The following DDX20 variants were observed in gnomAD, a reference collection of about 807,000 sequenced individuals.
DDX20 encodes the protein DEAD-box helicase 20.
In DDX20, 61 loss-of-function variants were observed where a neutral mutation model predicts 76.4. The ratio of observed to expected loss-of-function variants is 0.80; its 90% CI spans 0.65 to 0.99. The LOEUF (loss-of-function observed/expected upper bound fraction) is 0.99. DDX20 is among the 50% of genes least tolerant of loss of function. The pLI, the probability that DDX20 is intolerant of heterozygous loss-of-function variation, is 0.00. For missense variants in DDX20, 976 were observed against 996.8 expected (o/e 0.98, Z 0.28); for synonymous variants, 357 against 357.4 (o/e 1.00, Z 0.01).
intron 3 of DDX20, among the ~76,000 whole-genome samples, chr1:111,759,779 C>T (rs1219144578): frequency 6.6e-6 from 1 of 151,458 alleles, no homozygotes; most frequent in African/African-American, 2.4e-5. Context: ...TCGAGACCAT[C>T]CTGGCTAACA....
Position 111,767,024 on chromosome 1 carries a change from C to CCTG in DDX20, c.*125_*126insCTG. 1 of 684,892 alleles carries CCTG rather than the reference C, an allele frequency of 1.5e-6. No homozygotes were observed. Among genetic ancestry groups the CCTG allele is most frequent in the Non-Finnish European group, 2.4e-6 (1 of 425,132 alleles). 42.4% of individuals were successfully genotyped at this position (684,892 alleles called of 1,614,324 possible). A position where few individuals can be genotyped will look rare whatever the true frequency, so the allele number is the denominator to read the frequency against. ...CTGATAAACTTGAAAAGACTTGAGTCTTTCCACTGGGACACATCCATTTTT... is the reference window on the plus strand; with the variant it reads ...CTGATAAACTTGAAAAGACTTGAGTCCTGTTTCCACTGGGACACATCCATTTTT... On this transcript the variant is annotated 3_prime_UTR_variant, in exon 11 of 11. Transcript: ENST00000369702.
intron 10 of DDX20, 96 bp from the exon 11 acceptor site, chr1:111,765,641 T>C: frequency 9.7e-7 from 1 of 1,034,820 alleles, no homozygotes; most frequent in Non-Finnish European, 1.4e-6. Flanking sequence ...GTTTCTTAAA[T>C]GTATTTGATC....
In DDX20 at chr1:111,761,053, C is replaced by T. The variant is rs1663665220; in HGVS notation, c.890C>T (p.Thr297Ile). ...PLAHKVFEEK[T>I]QHLQELFSRI... ...GCACATAAGGTTTTTGAGGAAAAGA[C>T]TCAGCATTTACAGGAACTGTTCAGC... Residue 297 changes from threonine (T) to isoleucine (I), a missense_variant, in exon 6 of 11, where the codon ACT becomes ATT. By Grantham distance (89) the Thr-to-Ile change is moderately conservative (BLOSUM62 -1). This residue lies in a region of DDX20 where 630 missense variants were observed against 693.7 expected (regional missense o/e 0.91). Coordinates refer to ENST00000369702, the MANE Select transcript of DDX20 (RefSeq NM_007204.5). The T allele has an allele frequency of 6.2e-7, 1 of 1,613,822 alleles. No individual in the cohort carries two copies. The highest frequency in any genetic ancestry group is 8.5e-7 in the Non-Finnish European group (1 of 1,179,894).
At chr1:111,758,715 A>G (rs1242221090) in intron 2 of DDX20, among the ~76,000 whole-genome samples, 1 of 152,054 alleles carries the variant, frequency 6.6e-6, no homozygotes, top group Non-Finnish European at 1.5e-5. Flanking sequence ...TGATCACCTC[A>G]TTTAAAATGA....
intron 3 of DDX20, among the ~76,000 whole-genome samples, 177 bp downstream of exon 3, chr1:111,759,745 C>T (rs1393834254): frequency 1.3e-5 from 2 of 151,760 alleles, no homozygotes; most frequent in Admixed American, 6.6e-5. Context: ...GAGGCCGAGG[C>T]GGGCGGATCA....
chr1:111,755,910 G>C lies in DDX20; in HGVS notation c.-15G>C. The C allele has an allele frequency of 1.3e-6, 2 of 1,566,104 alleles. No homozygotes were observed. The highest frequency in any genetic ancestry group is 1.7e-6 in the Non-Finnish European group (2 of 1,152,194). ...CCTCCCCTTAAGCACCGCGAGATCT[G>C]ACGGCGCGGCTACCATGGCGGCGGC... is the stretch of plus-strand genomic sequence containing the variant. On this transcript the variant is annotated 5_prime_UTR_variant, in exon 1 of 11. Coordinates refer to ENST00000369702, the MANE Select transcript of DDX20 (RefSeq NM_007204.5).
At chr1:111,765,134 A>T (rs1293252803) in intron 10 of DDX20, among the ~76,000 whole-genome samples, 1 of 152,224 alleles carries the variant, frequency 6.6e-6, no homozygotes, top group Non-Finnish European at 1.5e-5. Context: ...GGAATAGAAA[A>T]TTTAGAGGGT....
intron 6 of DDX20, 28 bp downstream of exon 6, chr1:111,761,153 G>A: frequency 6.2e-7 from 1 of 1,611,776 alleles, no homozygotes; most frequent in Non-Finnish European, 8.5e-7. Flanking sequence ...GTCATCTGGG[G>A]AACTTGTGAA....
At chr1:111,756,861 G>C (rs972605065) in intron 2 of DDX20, 121 bp downstream of exon 2, 50 of 818,214 alleles carry the variant, frequency 6.1e-5, no homozygotes, top group Non-Finnish European at 9.5e-5. Flanking sequence ...GTTAAGTGGT[G>C]GTGGTGGCGA....
chr1:111,767,075 A>G lies in DDX20; in HGVS notation c.*176A>G. On this transcript the variant is annotated 3_prime_UTR_variant, in exon 11 of 11. Coordinates refer to ENST00000369702, the MANE Select transcript of DDX20 (RefSeq NM_007204.5). ...CAGATTGTTTTGATTTAGGCCAGGTATATTATCTTCATTTTTAAGAGTTTC... is the reference window on the plus strand; with the variant it reads ...CAGATTGTTTTGATTTAGGCCAGGTGTATTATCTTCATTTTTAAGAGTTTC... 1 of 455,946 alleles carries G rather than the reference A, an allele frequency of 2.2e-6. No individual in the cohort carries two copies. The highest frequency in any genetic ancestry group is 3.8e-6 in the Non-Finnish European group (1 of 259,888). The allele number at this position is 455,946 out of a possible 1,614,324, so 28.2% of individuals were successfully genotyped here.
intron 2 of DDX20, among the ~76,000 whole-genome samples, chr1:111,758,253 G>A (rs1407228977): frequency 6.6e-6 from 1 of 151,572 alleles, no homozygotes; most frequent in Non-Finnish European, 1.5e-5. Context: ...TAGAAATAGG[G>A]AAAATTCAGA....
intron 10 of DDX20, 80 bp from the exon 11 acceptor site, chr1:111,765,657 A>C: frequency 8.4e-7 from 1 of 1,197,570 alleles, no homozygotes; most frequent in South Asian, 1.6e-5. Context: ...TGATCATAGA[A>C]AACTTTATGA....
chr1:111,766,955 T>G lies in DDX20; in HGVS notation c.*56T>G. The G allele has an allele frequency of 7.3e-7, 1 of 1,377,836 alleles. No homozygotes were observed. The highest frequency in any genetic ancestry group is 2.0e-4 in the Middle Eastern group (1 of 5,038). 85.4% of individuals were successfully genotyped at this position (1,377,836 alleles called of 1,614,324 possible). On this transcript the variant is annotated 3_prime_UTR_variant, in exon 11 of 11. Transcript: ENST00000369702. Reference sequence around the variant, plus strand: ...TGTCAACAAATGATACCTTTGGATATCCATCCTCCTCGACTTATAGTACAG... The same window carrying G: ...TGTCAACAAATGATACCTTTGGATAGCCATCCTCCTCGACTTATAGTACAG...
rs371800138 is a variant in DDX20 at position 111,766,029 on chromosome 1, A to G, written c.1605A>G (p.Glu535=). Residue 535 remains glutamate (E), a synonymous_variant, in exon 11 of 11, where the codon GAA becomes GAG. Coordinates refer to ENST00000369702, the MANE Select transcript of DDX20 (RefSeq NM_007204.5). The part of the protein sequence containing the change: ...GIIEKATSPK[E]LGCDRQSEEQ... ...TAGAAAAAGCAACGTCACCAAAAGA[A>G]CTGGGCTGTGACAGGCAATCCGAAG... is the stretch of plus-strand genomic sequence containing the variant. 6.2e-7 allele frequency: 1 copy of G among 1,614,190 alleles called. No homozygotes were observed. The highest frequency in any genetic ancestry group is 1.1e-5 in the South Asian group (1 of 91,084).
At position 111,756,061 on chromosome 1, in the gene DDX20, T is replaced by G; in HGVS notation, c.137T>G (p.Leu46Arg). The G allele has an allele frequency of 6.2e-7, 1 of 1,608,662 alleles. No individual in the cohort carries two copies. The highest frequency in any genetic ancestry group is 8.5e-7 in the Non-Finnish European group (1 of 1,179,308). The change falls in exon 1 of 11, where the codon CTC (leucine) becomes CGC (arginine). Residue 46 changes from leucine to arginine, a missense_variant. Leu to Arg is a moderately radical substitution (Grantham distance 102). Around this residue, in one of 3 missense-constraint regions of DDX20, gnomAD observed 343 missense variants for 286.4 expected, o/e 1.20. Coordinates refer to ENST00000369702, the MANE Select transcript of DDX20 (RefSeq NM_007204.5). ...AGGATCCTGCGGACCGCTCAGGATC[T>G]CAGCAGCCCGCGGACCCGCACGGGG... ...PVRILRTAQD[L>R]SSPRTRTGDV...
Position 111,765,925 on chromosome 1 carries a change from G to A in DDX20, c.1501G>A (p.Val501Ile), listed in dbSNP as rs1337461020. 6.2e-7 allele frequency: 1 copy of A among 1,613,766 alleles called. No homozygotes were observed. Among genetic ancestry groups the A allele is most frequent in the Non-Finnish European group, 8.5e-7 (1 of 1,179,934 alleles). The change falls in exon 11 of 11, where the codon GTA becomes ATA. Residue 501 changes from valine to isoleucine, a missense_variant. Val to Ile is a conservative substitution (Grantham distance 29). Transcript: ENST00000369702. ...DHMASSRNNS[V>I]SGLSVKSKNN... ...CATGGCTTCCTCTAGAAATAATTCT[G>A]TATCTGGACTATCAGTCAAATCAAA...
rs766822597 is a variant in DDX20 at position 111,756,106 on chromosome 1, C to T, written c.182C>T (p.Pro61Leu). 6.9e-6 allele frequency: 11 copies of T among 1,597,852 alleles called. No homozygotes were observed. The South Asian group carries it at 7.7e-5, about 11-fold the overall frequency. ...TRTGDVLLAE[P>L]ADFESLLLSR... ...ACGGGGGATGTGCTGTTGGCGGAGC[C>T]GGCCGACTTCGAGTCACTGCTGCTT... The change falls in exon 1 of 11, where the codon CCG becomes CTG. Residue 61 changes from proline (P) to leucine (L), a missense_variant. Physicochemically the swap from Pro to Leu is moderately conservative, Grantham distance 98. Transcript: ENST00000369702.
chr1:111,765,170 T>C lies in DDX20; in HGVS notation c.1313-567T>C, dbSNP rs139635170. On this transcript the variant is annotated intron_variant, in intron 10 of 10. Transcript: ENST00000369702. ...TGAAGCCAGCAAATTTTTTAAAAAT[T>C]AGAAATGTCATTTCTGATTTTCATA... Among the ~76,000 whole-genome samples the C allele has an allele frequency of 6.7e-3, 1,027 of 152,344 alleles. 15 individuals carry two copies. Among genetic ancestry groups the C allele is most frequent in the African/African-American group, 0.023 (958 of 41,568 alleles).
chr1:111,762,433 C>A, intron 8 of DDX20, 96 bp downstream of exon 8: 1 of 1,022,234 alleles, frequency 9.8e-7, no homozygotes, highest in Non-Finnish European at 1.5e-6. Flanking sequence ...GTAGGCGTAT[C>A]TAACAAGAAT....
Sources: allele counts gnomAD v4.1 joint callset (sites outside exome capture counted in the v4.1 genomes callset), GRCh38; gene constraint gnomAD v4.1.1; regional missense constraint gnomAD v4.1.1; transcripts MANE v1.5; gene names NCBI Gene and HGNC (gene_info 2026-07-23, HGNC 2026-07-21).